Variants in LRP6 observed in about 807,000 individuals in gnomAD.
LRP6 encodes LDL receptor related protein 6.
Under a neutral mutation model 184.1 loss-of-function variants are expected in LRP6, and 43 were observed. That is an observed-to-expected ratio of 0.23 (90% confidence interval 0.18 to 0.30). The LOEUF is 0.30. LRP6 is among the 10% of genes least tolerant of loss of function. The pLI, the probability that LRP6 is intolerant of heterozygous loss-of-function variation, is 1.00. For missense variants in LRP6, 1,571 were observed against 2,005.3 expected (o/e 0.78, Z 4.14); for synonymous variants, 719 against 684.9 (o/e 1.05, Z -0.78).
chr12:12,192,160 A>G (rs1325192077), intron 3 of LRP6, among the ~76,000 whole-genome samples: 1 of 152,110 alleles, frequency 6.6e-6, no homozygotes, highest in Non-Finnish European at 1.5e-5. Context: ...GATGGGAGAG[A>G]GAATGGAGAT....
At position 12,155,327 on chromosome 12, in the gene LRP6, T is replaced by C. The variant is rs1042095674; in HGVS notation, c.2791+3502A>G. 3.4e-5 allele frequency: 26 copies of C among 757,850 alleles called. No individual in the cohort carries two copies. In the East Asian group the frequency reaches 6.1e-4, roughly 18 times the overall value. The allele number at this position is 757,850 out of a possible 1,614,324, so 46.9% of individuals were successfully genotyped here. On this transcript the variant is annotated intron_variant, in intron 12 of 22. Coordinates refer to ENST00000261349, the MANE Select transcript of LRP6 (RefSeq NM_002336.3). Reference sequence around the variant, plus strand: ...TGTTCTCTAGGCCTTTTAGAAAGCATGGAGTTGTTCCTTTGGCCACCTATA... The same window carrying C: ...TGTTCTCTAGGCCTTTTAGAAAGCACGGAGTTGTTCCTTTGGCCACCTATA...
intron 7 of LRP6, among the ~76,000 whole-genome samples, chr12:12,175,065 G>A (rs1339816948): frequency 6.6e-6 from 1 of 152,066 alleles, no homozygotes; most frequent in African/African-American, 2.4e-5. Context: ...AAATGAAAGT[G>A]GGCAGGAGAA....
intron 2 of LRP6, among the ~76,000 whole-genome samples, chr12:12,205,248 C>T (rs190167725): frequency 8.8e-5 from 12 of 136,230 alleles, no homozygotes; most frequent in African/African-American, 1.1e-4. Flanking sequence ...ATCCAGGAGG[C>T]GGATGTTGCC....
intron 3 of LRP6, among the ~76,000 whole-genome samples, chr12:12,200,645 A>C (rs968750698): frequency 6.6e-6 from 1 of 152,164 alleles, no homozygotes; most frequent in African/African-American, 2.4e-5. Context: ...GTGTCCACGT[A>C]TTTGAGTACT....
At chr12:12,199,239 T>C (rs1591938993) in intron 3 of LRP6, among the ~76,000 whole-genome samples, 1 of 152,028 alleles carries the variant, frequency 6.6e-6, no homozygotes, top group South Asian at 2.1e-4. Context: ...TGAACACATA[T>C]TATAAAAGTA....
chr12:12,244,600 T>C lies in LRP6; in HGVS notation c.111A>G (p.Thr37=), dbSNP rs1246680206. Residue 37 remains threonine, a synonymous_variant, in exon 2 of 23, where the codon ACA becomes ACG. Transcript: ENST00000261349. ...NRRDLRLVDA[T]NGKENATIVV... ...CAATCGTAGCATTCTCTTTGCCATT[T>C]GTAGCATCAACCAATCGCAAGTCCC... 2 of 1,614,088 alleles carry C rather than the reference T, an allele frequency of 1.2e-6. No homozygotes were observed. Among genetic ancestry groups the C allele is most frequent in the Non-Finnish European group, 1.7e-6 (2 of 1,180,036 alleles).
chr12:12,227,120 T>C (rs1210396103), intron 2 of LRP6, among the ~76,000 whole-genome samples: 1 of 151,918 alleles, frequency 6.6e-6, no homozygotes, highest in African/African-American at 2.4e-5. Flanking sequence ...AAATAGAGAA[T>C]AGAGCGAAAT....
At chr12:12,247,685 T>C (rs1341358027) in intron 1 of LRP6, among the ~76,000 whole-genome samples, 1 of 152,236 alleles carries the variant, frequency 6.6e-6, no homozygotes, top group Admixed American at 6.5e-5. Flanking sequence ...TTCAGCAACA[T>C]ATTAAATGGG....
At chr12:12,236,764 T>C (rs867033944) in intron 2 of LRP6, among the ~76,000 whole-genome samples, 8 of 152,082 alleles carry the variant, frequency 5.3e-5, no homozygotes, top group Non-Finnish European at 1.0e-4. Flanking sequence ...ATAAAGGATA[T>C]TACAAAGGAT....
chr12:12,173,408 T>C (rs1273511487), intron 7 of LRP6, among the ~76,000 whole-genome samples: 1 of 152,184 alleles, frequency 6.6e-6, no homozygotes, highest in South Asian at 2.1e-4. Context: ...AGTGGCATGA[T>C]CTCAGCTCGC....
intron 13 of LRP6, among the ~76,000 whole-genome samples, chr12:12,149,917 A>G (rs552922375): frequency 2.8e-4 from 43 of 152,282 alleles, no homozygotes; most frequent in African/African-American, 9.9e-4. Flanking sequence ...TCAGCCCATC[A>G]GTCCTGGCCT....
chr12:12,147,389 CG>C lies in LRP6; in HGVS notation c.3373del (p.Arg1125GlufsTer13). 1 of 1,614,098 alleles carries C rather than the reference CG, an allele frequency of 6.2e-7. No homozygotes were observed. The highest frequency in any genetic ancestry group is 8.5e-7 in the Non-Finnish European group (1 of 1,180,012). On this transcript the variant is annotated frameshift_variant, in exon 15 of 23. Transcript: ENST00000261349. LOFTEE classifies it high-confidence loss of function. ...KLFWADSDLR[R>X]IESSDLSGAN... ...ACCTGAGAGATCACTGCTTTCAATT[CG>C]CCGGAGATCTGAATCAGCCCAAAAG...
intron 2 of LRP6, among the ~76,000 whole-genome samples, chr12:12,233,070 A>G (rs1411289285): frequency 6.6e-6 from 1 of 152,220 alleles, no homozygotes; most frequent in Non-Finnish European, 1.5e-5. Context: ...CCTATGAGGC[A>G]TTCATGTCAA....
At position 12,244,599 on chromosome 12, in the gene LRP6, T is replaced by G; in HGVS notation, c.112A>C (p.Asn38His). 1.2e-6 allele frequency: 2 copies of G among 1,614,142 alleles called. No homozygotes were observed. Among genetic ancestry groups the G allele is most frequent in the South Asian group, 2.2e-5 (2 of 91,070 alleles). Residue 38 changes from asparagine to histidine, a missense_variant, in exon 2 of 23, where the codon AAT (asparagine) becomes CAT (histidine). Around this residue, in one of 4 missense-constraint regions of LRP6, gnomAD observed 640 missense variants for 851.9 expected, o/e 0.75. Transcript: ENST00000261349. ...RRDLRLVDAT[N>H]GKENATIVVG... is the part of the protein sequence containing the mutation. ...ACAATCGTAGCATTCTCTTTGCCAT[T>G]TGTAGCATCAACCAATCGCAAGTCC...
chr12:12,203,128 T>C, intron 3 of LRP6, 75 bp downstream of exon 3: 2 of 1,034,456 alleles, frequency 1.9e-6, no homozygotes, highest in Non-Finnish European at 2.8e-6. Flanking sequence ...TATTTCTTAA[T>C]AAAATTAGGC....
intron 2 of LRP6, among the ~76,000 whole-genome samples, chr12:12,232,201 G>A (rs1042590137): frequency 4.6e-5 from 7 of 151,688 alleles, no homozygotes; most frequent in Non-Finnish European, 8.8e-5. Flanking sequence ...GGCTAACATG[G>A]TGAAACCCTG....
At chr12:12,123,162 A>G (rs866850794) in intron 22 of LRP6, among the ~76,000 whole-genome samples, 5 of 152,262 alleles carry the variant, frequency 3.3e-5, no homozygotes, top group Admixed American at 1.3e-4. Flanking sequence ...CTTATACGGA[A>G]AATAGTTAAG....
intron 3 of LRP6, among the ~76,000 whole-genome samples, chr12:12,187,721 A>G (rs1420770117): frequency 6.6e-6 from 1 of 152,218 alleles, no homozygotes; most frequent in Non-Finnish European, 1.5e-5. Context: ...AGCTCCAGCA[A>G]GTGATCATCT....
intron 1 of LRP6, among the ~76,000 whole-genome samples, chr12:12,255,566 C>CTTTTTTTTTTTTTTT (rs749441005): frequency 5.3e-5 from 6 of 114,132 alleles, no homozygotes; most frequent in African/African-American, 2.1e-4. Context: ...GGTTTGGTCA[C>CTTTTTTTTTTTTTTT]TTTTTTTTTT....
Sources: gnomAD v4.1 joint callset for allele counts (sites outside exome capture counted in the v4.1 genomes callset) on GRCh38, gnomAD v4.1.1 for gene constraint, gnomAD v4.1.1 regional missense constraint, MANE v1.5 for transcripts, NCBI Gene and HGNC (gene_info 2026-07-23, HGNC 2026-07-21) for gene names.